Variants in SDK1 observed in about 807,000 individuals in gnomAD.
The protein encoded by SDK1 is protein sidekick-1.
Under a neutral mutation model 245.5 loss-of-function variants are expected in SDK1, and 157 were observed. The observed-to-expected ratio is 0.64, with a 90% CI of 0.56 to 0.73. SDK1 has a LOEUF of 0.73. SDK1 is among the 30% of genes least tolerant of loss of function. The pLI is 0.00. For missense variants in SDK1, 3,583 were observed against 3,002.3 expected (o/e 1.19, Z -4.52); for synonymous variants, 1,647 against 1,278.5 (o/e 1.29, Z -6.15).
intron 4 of SDK1, among the ~76,000 whole-genome samples, chr7:3,691,608 A>T (rs1219991192): frequency 2.8e-5 from 4 of 143,390 alleles, no homozygotes; most frequent in Non-Finnish European, 4.6e-5. Flanking sequence ...AAGGAAAAAT[A>T]TGATTATCTA....
chr7:3,907,424 A>G (rs1422688762), intron 5 of SDK1, among the ~76,000 whole-genome samples: 2 of 152,188 alleles, frequency 1.3e-5, no homozygotes, highest in African/African-American at 4.8e-5. Context: ...AGGATTGTCT[A>G]CATTGTAGCA....
intron 1 of SDK1, among the ~76,000 whole-genome samples, chr7:3,470,367 A>G (rs952913923): frequency 3.3e-5 from 5 of 152,202 alleles, no homozygotes; most frequent in Admixed American, 2.0e-4. Flanking sequence ...GAAAACGTGT[A>G]CAACTATTTA....
intron 5 of SDK1, among the ~76,000 whole-genome samples, chr7:3,920,400 G>A (rs1281843714): frequency 6.6e-6 from 1 of 152,054 alleles, no homozygotes; most frequent in African/African-American, 2.4e-5. Context: ...CTGGGGGGAA[G>A]GTCAAGGTCA....
intron 27 of SDK1, among the ~76,000 whole-genome samples, chr7:4,131,736 G>A (rs888781830): frequency 6.6e-6 from 1 of 151,622 alleles, no homozygotes; most frequent in Non-Finnish European, 1.5e-5. Context: ...TTGGTGCCCC[G>A]AACCACACAC....
chr7:3,720,338 C>G (rs1785331659), intron 4 of SDK1, among the ~76,000 whole-genome samples: 1 of 152,024 alleles, frequency 6.6e-6, no homozygotes, highest in Non-Finnish European at 1.5e-5. Flanking sequence ...TGATGAAGAA[C>G]TAGAATATAC....
At chr7:3,938,625 G>A (rs374515349) in intron 5 of SDK1, among the ~76,000 whole-genome samples, 133 of 134,780 alleles carry the variant, frequency 9.9e-4, no homozygotes, top group African/African-American at 4.4e-3. Flanking sequence ...CAGCCTGGGC[G>A]ACAGAGTGAG....
At chr7:3,975,992 G>C (rs1402534797) in intron 13 of SDK1, among the ~76,000 whole-genome samples, 1 of 40,508 alleles carries the variant, frequency 2.5e-5, no homozygotes, top group African/African-American at 1.0e-4. Flanking sequence ...GAGGGTCCCG[G>C]GGCTGAGGCT....
At chr7:4,045,032 T>G (rs965471218) in intron 17 of SDK1, among the ~76,000 whole-genome samples, 1 of 152,184 alleles carries the variant, frequency 6.6e-6, no homozygotes, top group Admixed American at 6.5e-5. Context: ...GTGTGCAGTC[T>G]TCAGAACCTG....
chr7:3,928,908 G>A (rs759048382), intron 5 of SDK1, among the ~76,000 whole-genome samples: 3 of 152,208 alleles, frequency 2.0e-5, no homozygotes, highest in East Asian at 3.9e-4. Context: ...GAAACCCCAC[G>A]CGTGCATTCT....
intron 4 of SDK1, among the ~76,000 whole-genome samples, chr7:3,656,208 C>G (rs559207694): frequency 1.3e-5 from 2 of 152,294 alleles, no homozygotes; most frequent in East Asian, 1.9e-4. Context: ...CTTCCCTTCT[C>G]CTTTACTTCC....
At chr7:4,161,190 A>G (rs1207726421) in intron 31 of SDK1, among the ~76,000 whole-genome samples, 1 of 152,168 alleles carries the variant, frequency 6.6e-6, no homozygotes, top group Non-Finnish European at 1.5e-5. Flanking sequence ...TAGTTTGGCT[A>G]GAGTGCAGGG....
chr7:3,346,826 TA>T (rs376527306), intron 1 of SDK1, among the ~76,000 whole-genome samples: 2,115 of 72,748 alleles, frequency 0.029, 122 homozygotes, highest in Non-Finnish European at 0.043. Flanking sequence ...TATATATATA[TA>T]TTTTTTTTTT....
intron 40 of SDK1, among the ~76,000 whole-genome samples, chr7:4,223,874 C>A (rs1379037523): frequency 6.6e-6 from 1 of 152,200 alleles, no homozygotes; most frequent in East Asian, 1.9e-4. Context: ...GCAGATATTT[C>A]ACAATGCTGT....
intron 22 of SDK1, among the ~76,000 whole-genome samples, chr7:4,088,744 A>AT (rs1411685847): frequency 6.6e-6 from 1 of 151,962 alleles, no homozygotes; most frequent in African/African-American, 2.4e-5. Context: ...TGGGGTTGAG[A>AT]TTGTTGTATC....
At chr7:3,793,197 G>C (rs1387744197) in intron 4 of SDK1, among the ~76,000 whole-genome samples, 1 of 152,054 alleles carries the variant, frequency 6.6e-6, no homozygotes, top group African/African-American at 2.4e-5. Context: ...ATTTTGGTCT[G>C]TTTCCGTAAA....
At chr7:3,785,813 T>C (rs1780883903) in intron 4 of SDK1, among the ~76,000 whole-genome samples, 1 of 152,152 alleles carries the variant, frequency 6.6e-6, no homozygotes, top group Non-Finnish European at 1.5e-5. Context: ...CAGATGCAGA[T>C]CTTGGTTGAG....
chr7:3,534,601 C>G (rs1467790866), intron 1 of SDK1, among the ~76,000 whole-genome samples: 1 of 152,106 alleles, frequency 6.6e-6, no homozygotes, highest in Admixed American at 6.5e-5. Flanking sequence ...TGCACTGTGG[C>G]TTAGCTTTGC....
At chr7:3,861,812 AAAG>A (rs1408965504) in intron 5 of SDK1, among the ~76,000 whole-genome samples, 2 of 152,216 alleles carry the variant, frequency 1.3e-5, no homozygotes, top group African/African-American at 2.4e-5. Context: ...TAAGTTGAAA[AAAG>A]AAAACAATTA....
intron 1 of SDK1, among the ~76,000 whole-genome samples, chr7:3,518,033 T>G (rs1253655318): frequency 6.6e-6 from 1 of 152,124 alleles, no homozygotes; most frequent in African/African-American, 2.4e-5. Context: ...AGTTACAGTT[T>G]TAGGCCCTTA....
Sources: allele counts gnomAD v4.1 joint callset (sites outside exome capture counted in the v4.1 genomes callset), GRCh38; gene constraint gnomAD v4.1.1; transcripts MANE v1.5; gene names NCBI Gene and HGNC (gene_info 2026-07-23, HGNC 2026-07-21).